Variants in TMEM178B observed in about 807,000 individuals in gnomAD.
TMEM178B encodes the protein transmembrane protein 178B.
A neutral mutation model predicts 31.0 loss-of-function variants in TMEM178B; 5 were observed. The observed-to-expected ratio is 0.16, with a 90% confidence interval of 0.08 to 0.34. The LOEUF is 0.34. Among genes scored for constraint, TMEM178B ranks in the 10% least tolerant of loss-of-function variants. TMEM178B has a pLI of 1.00. For synonymous variants in TMEM178B, 164 were observed against 164.0 expected, an observed-to-expected ratio of 1.00 and a Z score of 0.00; for missense variants, 275 against 400.3, an observed-to-expected ratio of 0.69 and a Z score of 2.67.
intron 1 of TMEM178B, among the ~76,000 whole-genome samples, chr7:141,158,046 A>C (rs745605903): frequency 6.6e-6 from 1 of 152,162 alleles, no homozygotes; most frequent in Non-Finnish European, 1.5e-5. Context: ...AGTCTGCAAC[A>C]GTCTCTTTCT....
chr7:141,187,124 AT>A (rs1796622794), intron 1 of TMEM178B, among the ~76,000 whole-genome samples: 1 of 113,342 alleles, frequency 8.8e-6, no homozygotes, highest in African/African-American at 3.6e-5. Context: ...CTGGTGTGTG[AT>A]GTTCCCCTTC....
chr7:141,341,300 CTG>C lies in TMEM178B; in HGVS notation c.497-96305_497-96304del, dbSNP rs569454441. Among the ~76,000 whole-genome samples, 225 of 152,316 alleles carry C rather than the reference CTG, an allele frequency of 1.5e-3. 1 individual carries two copies. Among genetic ancestry groups the C allele is most frequent in the South Asian group, 3.5e-3 (17 of 4,826 alleles). The stretch of plus-strand genomic sequence containing the variant: ...GAGATTTTCTTTTCCTCTCTCCACA[CTG>C]TGCTACTTTAACTTAGTGAGCGCTT... On this transcript the variant is annotated intron_variant, in intron 2 of 3. Coordinates refer to ENST00000565468, the MANE Select transcript of TMEM178B (RefSeq NM_001195278.2).
At chr7:141,185,048 G>C (rs561552364) in intron 1 of TMEM178B, among the ~76,000 whole-genome samples, 1 of 152,144 alleles carries the variant, frequency 6.6e-6, no homozygotes, top group Admixed American at 6.5e-5. Flanking sequence ...ATGTGCGATG[G>C]TGGTGTGGCT....
intron 2 of TMEM178B, among the ~76,000 whole-genome samples, chr7:141,339,806 A>G (rs560983686): frequency 6.6e-6 from 1 of 152,338 alleles, no homozygotes; most frequent in South Asian, 2.1e-4. Context: ...CCTGGAGGCA[A>G]TGGGCTCATG....
At chr7:141,327,157 T>G (rs1447530154) in intron 2 of TMEM178B, among the ~76,000 whole-genome samples, 2 of 152,180 alleles carry the variant, frequency 1.3e-5, no homozygotes. Context: ...ATTCCTAAAT[T>G]GGGTAGACGG....
the TMEM178B span, among the ~76,000 whole-genome samples, chr7:141,498,442 G>T: frequency 6.6e-6 from 1 of 152,192 alleles, no homozygotes; most frequent in African/African-American, 2.4e-5. Flanking sequence ...CTAAGTCCTT[G>T]GCATCTTGTG....
chr7:141,265,204 C>T (rs932693167), intron 2 of TMEM178B, among the ~76,000 whole-genome samples: 2 of 152,036 alleles, frequency 1.3e-5, no homozygotes, highest in Non-Finnish European at 1.5e-5. Flanking sequence ...TTTGGTCTTT[C>T]ATGTGTTTAT....
chr7:141,248,154 C>A (rs1305520399), intron 2 of TMEM178B, among the ~76,000 whole-genome samples: 4 of 152,022 alleles, frequency 2.6e-5, no homozygotes, highest in Non-Finnish European at 5.9e-5. Flanking sequence ...CTCACGCCTG[C>A]AATCCCAGCA....
At chr7:141,193,324 C>G (rs1389908818) in intron 1 of TMEM178B, among the ~76,000 whole-genome samples, 1 of 152,368 alleles carries the variant, frequency 6.6e-6, no homozygotes. Context: ...TCTTATCTCT[C>G]TCTGCTCCTG....
At chr7:141,350,187 T>C (rs762923464) in intron 2 of TMEM178B, among the ~76,000 whole-genome samples, 5 of 152,174 alleles carry the variant, frequency 3.3e-5, no homozygotes, top group Non-Finnish European at 5.9e-5. Context: ...GATTACATTG[T>C]AGAGCTCTGT....
chr7:141,117,200 T>C (rs1389888600), intron 1 of TMEM178B, among the ~76,000 whole-genome samples: 2 of 152,216 alleles, frequency 1.3e-5, no homozygotes, highest in African/African-American at 4.8e-5. Context: ...TTTTAACGAT[T>C]GCCATTCTAA....
chr7:141,158,698 G>C (rs989263137), intron 1 of TMEM178B, among the ~76,000 whole-genome samples: 2 of 152,150 alleles, frequency 1.3e-5, no homozygotes, highest in African/African-American at 4.8e-5. Context: ...ATCTCACGCT[G>C]TCCTCTGAGC....
chr7:141,201,032 A>G (rs1796868594), intron 1 of TMEM178B, among the ~76,000 whole-genome samples: 1 of 152,210 alleles, frequency 6.6e-6, no homozygotes, highest in Admixed American at 6.5e-5. Context: ...TGGAACAAAT[A>G]GAAGATCCTA....
chr7:141,276,274 G>C (rs1267137463), intron 2 of TMEM178B, among the ~76,000 whole-genome samples: 2 of 152,174 alleles, frequency 1.3e-5, no homozygotes, highest in African/African-American at 4.8e-5. Flanking sequence ...ATGAGTCAGA[G>C]CTGGAAATAC....
chr7:141,153,082 A>G (rs1268929945), intron 1 of TMEM178B, among the ~76,000 whole-genome samples: 6 of 152,236 alleles, frequency 3.9e-5, no homozygotes, highest in Non-Finnish European at 8.8e-5. Flanking sequence ...TTTCAGATGA[A>G]AGACACATGC....
intron 1 of TMEM178B, among the ~76,000 whole-genome samples, chr7:141,195,572 C>T (rs764453282): frequency 2.0e-5 from 3 of 152,180 alleles, no homozygotes; most frequent in Non-Finnish European, 4.4e-5. Flanking sequence ...CTAGAAAGTT[C>T]TAAACTTTCC....
At chr7:141,258,033 G>A (rs1797955287) in intron 2 of TMEM178B, among the ~76,000 whole-genome samples, 1 of 151,466 alleles carries the variant, frequency 6.6e-6, no homozygotes, top group African/African-American at 2.4e-5. Context: ...TTTCTCTAGA[G>A]AGTACATTAT....
Position 141,344,329 on chromosome 7 carries a change from C to T in TMEM178B, c.497-93279C>T, listed in dbSNP as rs1235858793. On this transcript the variant is annotated intron_variant, in intron 2 of 3. Coordinates refer to ENST00000565468, the MANE Select transcript of TMEM178B (RefSeq NM_001195278.2). The surrounding 1 kb of genome is among the most constrained non-coding windows in gnomAD (Gnocchi z 4.1). Reference sequence around the variant, plus strand: ...GCCACAGAGTTCAAGATGTTGGTTTCAGATCTCTGACTTCAAGGCCTGAGC... The same window carrying T: ...GCCACAGAGTTCAAGATGTTGGTTTTAGATCTCTGACTTCAAGGCCTGAGC... 6.6e-6 allele frequency among the ~76,000 whole-genome samples: 1 copy of T among 152,154 alleles called. No homozygotes were observed. Among genetic ancestry groups the T allele is most frequent in the East Asian group, 1.9e-4 (1 of 5,192 alleles).
chr7:141,236,874 G>C (rs998716980), intron 2 of TMEM178B, among the ~76,000 whole-genome samples: 4 of 152,192 alleles, frequency 2.6e-5, no homozygotes, highest in African/African-American at 9.6e-5. Context: ...TAAAAGGCAA[G>C]GAAATTGGGA....
Sources: allele counts gnomAD v4.1 joint callset (sites outside exome capture counted in the v4.1 genomes callset), GRCh38; gene constraint gnomAD v4.1.1; non-coding constraint Gnocchi (gnomAD v3.1); transcripts MANE v1.5; gene names NCBI Gene and HGNC (gene_info 2026-07-23, HGNC 2026-07-21).